The following SLCO1A2 variants were observed in gnomAD, a reference collection of about 807,000 sequenced individuals.
SLCO1A2 encodes the protein solute carrier organic anion transporter family member 1A2, also known as OATP-1.
SLCO1A2 carries 67 observed loss-of-function variants against 69.0 expected under a neutral mutation model. The ratio of observed to expected loss-of-function variants is 0.97; its 90% confidence interval spans 0.80 to 1.19. The LOEUF is 1.19. SLCO1A2 is among the 50% of genes most tolerant of loss of function. The pLI, the probability that SLCO1A2 is intolerant of heterozygous loss-of-function variation, is 0.00. For synonymous variants in SLCO1A2, 260 were observed against 265.9 expected (o/e 0.98, Z 0.22); for missense variants, 787 against 793.7 (o/e 0.99, Z 0.10).
At chr12:21,380,841 G>A (rs982340779) in intron 1 of SLCO1A2, among the ~76,000 whole-genome samples, 26 of 152,058 alleles carry the variant, frequency 1.7e-4, no homozygotes, top group African/African-American at 5.6e-4. Flanking sequence ...CATGAGCAGG[G>A]AAGAGAGGGC....
chr12:21,373,784 TAACTA>T (rs1939982085), intron 2 of SLCO1A2: 3 of 669,312 alleles, frequency 4.5e-6, no homozygotes, highest in Middle Eastern at 2.4e-4. Context: ...CAGAGAAACT[TAACTA>T]AAGCATATAT....
At chr12:21,282,803 T>C (rs1591787060) in intron 12 of SLCO1A2, among the ~76,000 whole-genome samples, 1 of 151,342 alleles carries the variant, frequency 6.6e-6, no homozygotes, top group South Asian at 2.1e-4. Flanking sequence ...CAGCAAACAG[T>C]CTAAAAAAAA....
chr12:21,306,356 C>T (rs536227511), intron 5 of SLCO1A2, among the ~76,000 whole-genome samples: 1 of 151,950 alleles, frequency 6.6e-6, no homozygotes, highest in African/African-American at 2.4e-5. Context: ...GACAGAGTCT[C>T]ACTCTGTTGC....
chr12:21,358,929 A>G (rs960628993), intron 2 of SLCO1A2, among the ~76,000 whole-genome samples: 7 of 152,192 alleles, frequency 4.6e-5, no homozygotes, highest in African/African-American at 1.2e-4. Flanking sequence ...ATGAGAGAGG[A>G]AACAATAACA....
intron 2 of SLCO1A2, among the ~76,000 whole-genome samples, chr12:21,321,549 G>A (rs1305187678): frequency 6.6e-6 from 1 of 152,166 alleles, no homozygotes; most frequent in Non-Finnish European, 1.5e-5. Flanking sequence ...AAAAATCTCT[G>A]ATTTTTAAGA....
At chr12:21,386,047 A>G (rs1324167869) in intron 1 of SLCO1A2, among the ~76,000 whole-genome samples, 1 of 152,220 alleles carries the variant, frequency 6.6e-6, no homozygotes, top group African/African-American at 2.4e-5. Flanking sequence ...GATATTGTCT[A>G]AGTGTTTTCA....
intron 2 of SLCO1A2, among the ~76,000 whole-genome samples, chr12:21,349,295 G>A (rs1415194997): frequency 2.0e-5 from 3 of 152,126 alleles, no homozygotes; most frequent in Non-Finnish European, 4.4e-5. Flanking sequence ...GAAAGATAGA[G>A]ACTCTTAAGA....
chr12:21,413,233 T>TTTCC, intron 1 of SLCO1A2, among the ~76,000 whole-genome samples: 1 of 102,338 alleles, frequency 9.8e-6, no homozygotes, highest in African/African-American at 3.6e-5. Context: ...TTCTTTTTCT[T>TTTCC]TTTCTTTTTT....
At position 21,408,568 on chromosome 12, in the gene SLCO1A2, G is replaced by T. The variant is rs77414002; in HGVS notation, c.-312+9314C>A. The stretch of plus-strand genomic sequence containing the variant: ...TACCAGAAATCCGCAACTGCCCAAC[G>T]AAAAGTGTCCCAGTCCCCTTCTCTG... On this transcript the variant is annotated intron_variant, in intron 1 of 4. Coordinates refer to the SLCO1A2 transcript ENST00000413682. Among the ~76,000 whole-genome samples the T allele has an allele frequency of 2.4e-3, 371 of 152,194 alleles. 5 individuals carry two copies. Among genetic ancestry groups the T allele is most frequent in the African/African-American group, 7.7e-3 (319 of 41,542 alleles).
At position 21,297,573 on chromosome 12, in the gene SLCO1A2, A is replaced by C; in HGVS notation, c.911-5T>G. ...TTTTCATGAAAGGTAGAAAATCTGAAATGAAAGAATGACAACTGTGTCAAA... is the reference window on the plus strand; with the variant it reads ...TTTTCATGAAAGGTAGAAAATCTGACATGAAAGAATGACAACTGTGTCAAA... On this transcript the variant is annotated splice_polypyrimidine_tract_variant and splice_region_variant and intron_variant, in intron 8 of 14. Coordinates refer to ENST00000683939, the MANE Select transcript of SLCO1A2 (RefSeq NM_001386879.1). 1 of 1,555,338 alleles carries C rather than the reference A, an allele frequency of 6.4e-7. No homozygotes were observed. Among genetic ancestry groups the C allele is most frequent in the Non-Finnish European group, 8.8e-7 (1 of 1,141,740 alleles).
At chr12:21,280,480 G>A (rs777499395) in intron 12 of SLCO1A2, among the ~76,000 whole-genome samples, 4 of 151,874 alleles carry the variant, frequency 2.6e-5, no homozygotes, top group African/African-American at 7.3e-5. Flanking sequence ...AAGAAGAGAC[G>A]AAGAAGATCA....
At chr12:21,411,810 A>G (rs940492620) in intron 1 of SLCO1A2, among the ~76,000 whole-genome samples, 3 of 151,904 alleles carry the variant, frequency 2.0e-5, no homozygotes, top group Non-Finnish European at 4.4e-5. Flanking sequence ...CAGCCACCCA[A>G]GTAGCTGGGA....
chr12:21,409,739 C>T (rs913641305), intron 1 of SLCO1A2, among the ~76,000 whole-genome samples: 8 of 152,100 alleles, frequency 5.3e-5, no homozygotes, highest in African/African-American at 9.7e-5. Flanking sequence ...TTGAAAACAA[C>T]CTCTGAGATC....
chr12:21,321,053 A>G (rs954277139), intron 2 of SLCO1A2, among the ~76,000 whole-genome samples: 84 of 152,166 alleles, frequency 5.5e-4, no homozygotes, highest in African/African-American at 1.8e-3. Flanking sequence ...CTACCTCCAT[A>G]AAAGGTCATA....
At chr12:21,352,158 T>C (rs1018991833) in intron 2 of SLCO1A2, among the ~76,000 whole-genome samples, 2 of 152,118 alleles carry the variant, frequency 1.3e-5, no homozygotes, top group African/African-American at 4.8e-5. Flanking sequence ...TTTTATTTCA[T>C]AGGTTGAAAG....
At chr12:21,281,353 G>A (rs889854233) in intron 12 of SLCO1A2, among the ~76,000 whole-genome samples, 1 of 152,046 alleles carries the variant, frequency 6.6e-6, no homozygotes, top group African/African-American at 2.4e-5. Context: ...AGGAGGCTGA[G>A]GCAGAAGAAT....
At chr12:21,352,111 A>C (rs1384487638) in intron 2 of SLCO1A2, among the ~76,000 whole-genome samples, 1 of 152,142 alleles carries the variant, frequency 6.6e-6, no homozygotes, top group Non-Finnish European at 1.5e-5. Flanking sequence ...CAAACACCCA[A>C]TTGCATCACC....
intron 2 of SLCO1A2, among the ~76,000 whole-genome samples, chr12:21,363,950 C>A (rs567698206): frequency 2.3e-4 from 35 of 152,250 alleles, no homozygotes; most frequent in African/African-American, 8.2e-4. Flanking sequence ...GGATTCACAG[C>A]CGAATTCTAC....
chr12:21,305,248 T>C (rs1300563786), intron 5 of SLCO1A2, among the ~76,000 whole-genome samples: 1 of 152,180 alleles, frequency 6.6e-6, no homozygotes, highest in Non-Finnish European at 1.5e-5. Context: ...GAATAGAAAC[T>C]GAGAAAGATA....
Sources: gnomAD v4.1 joint callset for allele counts (sites outside exome capture counted in the v4.1 genomes callset) on GRCh38, gnomAD v4.1.1 for gene constraint, MANE v1.5 for transcripts, NCBI Gene and HGNC (gene_info 2026-07-23, HGNC 2026-07-21) for gene names.